CALB2: variants seen among roughly 807,000 people sequenced by gnomAD.
CALB2 encodes the protein calretinin.
In CALB2, 34 loss-of-function variants were observed where a neutral mutation model predicts 45.9. The ratio of observed to expected loss-of-function variants is 0.74; its 90% CI spans 0.56 to 0.99. CALB2 has a LOEUF of 0.99. Among genes scored for constraint, CALB2 ranks in the 50% least tolerant of loss-of-function variants. CALB2 has a pLI of 0.00. For synonymous variants in CALB2, 142 were observed against 129.6 expected, an observed-to-expected ratio of 1.10 and a Z score of -0.65; for missense variants, 344 against 339.3, an observed-to-expected ratio of 1.01 and a Z score of -0.11.
intron 4 of CALB2, among the ~76,000 whole-genome samples, chr16:71,378,819 T>A (rs1381307697): frequency 2.0e-5 from 3 of 152,146 alleles, no homozygotes; most frequent in African/African-American, 7.2e-5. Context: ...TGCCACTCAA[T>A]AATAATGTTG....
At chr16:71,387,109 C>T (rs2042579035) in intron 10 of CALB2, among the ~76,000 whole-genome samples, 1 of 152,160 alleles carries the variant, frequency 6.6e-6, no homozygotes, top group African/African-American at 2.4e-5. Context: ...CTTCATGAGA[C>T]TCTGTCTTAT....
At chr16:71,384,503 AACACACCAC>A in intron 8 of CALB2, 125 bp downstream of exon 8, 1 of 690,688 alleles carries the variant, frequency 1.4e-6, no homozygotes, top group Non-Finnish European at 2.6e-6. Context: ...ACACACACAA[AACACACCAC>A]ACACACAACA....
At chr16:71,384,162 G>A in intron 7 of CALB2, 137 bp downstream of exon 7, 1 of 1,070,710 alleles carries the variant, frequency 9.3e-7, no homozygotes, top group Non-Finnish European at 1.4e-6. Context: ...ATAGAATTGT[G>A]ACCGTCAACA....
At chr16:71,378,779 C>T (rs80317611) in intron 4 of CALB2, among the ~76,000 whole-genome samples, 22,099 of 152,034 alleles carry the variant, frequency 0.15, 1,744 homozygotes, top group South Asian at 0.19. Context: ...TAAAGAAAAC[C>T]GTGCCACTCA....
At chr16:71,372,128 T>G (rs2042358188) in intron 1 of CALB2, 25 bp from the exon 2 acceptor site, 1 of 1,538,130 alleles carries the variant, frequency 6.5e-7, no homozygotes, top group Non-Finnish European at 9.0e-7. Flanking sequence ...GTGCTGAGAT[T>G]GATTTTTTCT....
Position 71,389,803 on chromosome 16 carries a change from G to A in CALB2, c.754G>A (p.Glu252Lys), listed in dbSNP as rs2042615726. Reference protein sequence around the residue: ...NYRKSVMSLAEAGKLYRKDLE... With the variant: ...NYRKSVMSLAKAGKLYRKDLE... ...CAGAAAGAGCGTCATGTCCTTGGCA[G>A]AGGCAGGGAAGCTCTACCGCAAGGA... is the stretch of plus-strand genomic sequence containing the variant. The change falls in exon 11 of 11, where the codon GAG becomes AAG. Residue 252 changes from glutamate to lysine, a missense_variant. Physicochemically the swap from Glu to Lys is moderately conservative, Grantham distance 56. Transcript: ENST00000302628. 1.2e-6 allele frequency: 2 copies of A among 1,613,948 alleles called. No homozygotes were observed. Among genetic ancestry groups the A allele is most frequent in the Admixed American group, 1.7e-5 (1 of 60,002 alleles).
chr16:71,379,503 C>T (rs2042461157), intron 4 of CALB2, among the ~76,000 whole-genome samples: 1 of 152,096 alleles, frequency 6.6e-6, no homozygotes, highest in Non-Finnish European at 1.5e-5. Flanking sequence ...TATTACTAAT[C>T]CTGATGTCCA....
chr16:71,382,267 A>T (rs890612913), intron 4 of CALB2, among the ~76,000 whole-genome samples: 3 of 152,206 alleles, frequency 2.0e-5, no homozygotes, highest in South Asian at 4.1e-4. Context: ...TCTTTGCCCC[A>T]GATGTGGGCA....
At chr16:71,369,598 C>T (rs1395369379) in intron 1 of CALB2, among the ~76,000 whole-genome samples, 3 of 152,140 alleles carry the variant, frequency 2.0e-5, no homozygotes, top group African/African-American at 7.2e-5. Context: ...AACATATACT[C>T]GCTCCTGTGT....
At chr16:71,384,972 T>G in intron 9 of CALB2, 136 bp downstream of exon 9, 1 of 742,974 alleles carries the variant, frequency 1.3e-6, no homozygotes, top group South Asian at 1.6e-5. Flanking sequence ...CCGCATCTTC[T>G]GCTGTATGAG....
intron 1 of CALB2, among the ~76,000 whole-genome samples, chr16:71,368,694 C>T (rs1460690163): frequency 6.6e-6 from 1 of 152,060 alleles, no homozygotes; most frequent in East Asian, 1.9e-4. Context: ...CTCTGCCATG[C>T]CCGTGTGTCT....
chr16:71,363,264 T>C (rs531315718), intron 1 of CALB2, among the ~76,000 whole-genome samples: 2 of 152,262 alleles, frequency 1.3e-5, no homozygotes, highest in South Asian at 4.1e-4. Flanking sequence ...TTGTAAGAAA[T>C]ATGTATATGT....
Position 71,374,816 on chromosome 16 carries a change from G to A in CALB2, c.243G>A (p.Gly81=), listed in dbSNP as rs1445379808. ...AGAAGTATGATAAAAACTCAGATGG[G>A]AAAATCGAGATGGCAGAGGTGAGCC... ...FMQKYDKNSD[G]KIEMAELAQI... is the part of the protein sequence containing the mutation. The change falls in exon 3 of 11, where the codon GGG becomes GGA. Residue 81 remains glycine (G), a synonymous_variant. Transcript: ENST00000302628. The A allele has an allele frequency of 2.5e-6, 4 of 1,612,546 alleles. No homozygotes were observed. Among genetic ancestry groups the A allele is most frequent in the Non-Finnish European group, 3.4e-6 (4 of 1,178,840 alleles).
intron 4 of CALB2, 60 bp from the exon 5 acceptor site, chr16:71,382,659 A>G (rs1460368285): frequency 1.9e-6 from 3 of 1,552,484 alleles, no homozygotes; most frequent in African/African-American, 2.7e-5. Flanking sequence ...GGGGAATGGA[A>G]GGGAGGTGGG....
At chr16:71,366,335 T>G (rs1193351784) in intron 1 of CALB2, among the ~76,000 whole-genome samples, 4 of 47,760 alleles carry the variant, frequency 8.4e-5, no homozygotes, top group Admixed American at 2.9e-4. Flanking sequence ...TTTTTTTTTT[T>G]TTTTTTTTTG....
intron 4 of CALB2, 70 bp from the exon 5 acceptor site, chr16:71,382,649 G>A: frequency 6.6e-7 from 1 of 1,504,766 alleles, no homozygotes; most frequent in Non-Finnish European, 9.2e-7. Context: ...GCCCATTAAA[G>A]GGGAATGGAA....
intron 1 of CALB2, among the ~76,000 whole-genome samples, chr16:71,366,022 C>CTTTTTTTTTTTGTTT (rs1447467571): frequency 2.0e-5 from 1 of 50,552 alleles, no homozygotes; most frequent in African/African-American, 1.0e-4. Context: ...CCCTCTCTCT[C>CTTTTTTTTTTTGTTT]TCTTTTTTTT....
At chr16:71,368,340 T>C (rs1040996888) in intron 1 of CALB2, among the ~76,000 whole-genome samples, 3 of 152,032 alleles carry the variant, frequency 2.0e-5, no homozygotes, top group African/African-American at 7.2e-5. Context: ...CAAAACCCTG[T>C]CTCTACCAAA....
Position 71,377,706 on chromosome 16 carries a change from T to C in CALB2, c.301T>C (p.Cys101Arg), listed in dbSNP as rs774214374. Residue 101 changes from cysteine to arginine, a missense_variant, in exon 4 of 11, where the codon TGC becomes CGC. This residue lies in a region of CALB2 where 263 missense variants were observed against 241.7 expected (regional missense o/e 1.09). Transcript: ENST00000302628. ...GCCAACCGAAGAGAACTTCCTTCTGTGCTTCAGGCAGCACGTGGGCTCCAG... is the reference window on the plus strand; with the variant it reads ...GCCAACCGAAGAGAACTTCCTTCTGCGCTTCAGGCAGCACGTGGGCTCCAG... ...ILPTEENFLL[C>R]FRQHVGSSAE... 2 of 1,614,160 alleles carry C rather than the reference T, an allele frequency of 1.2e-6. No individual in the cohort carries two copies. The highest frequency in any genetic ancestry group is 4.5e-5 in the East Asian group (2 of 44,880).
Sources: gnomAD v4.1 joint callset for allele counts (sites outside exome capture counted in the v4.1 genomes callset) on GRCh38, gnomAD v4.1.1 for gene constraint, gnomAD v4.1.1 regional missense constraint, MANE v1.5 for transcripts, NCBI Gene and HGNC (gene_info 2026-07-23, HGNC 2026-07-21) for gene names.